Variants in TYW1B observed in about 807,000 individuals in gnomAD.
TYW1B encodes tRNA-yW synthesizing protein 1 homolog B, also known as S-adenosyl-L-methionine-dependent tRNA 4-demethylwyosine synthase TYW1B.
Under a neutral mutation model 86.9 loss-of-function variants are expected in TYW1B, and 73 were observed. The observed-to-expected ratio is 0.84, with a 90% confidence interval of 0.70 to 1.02. The LOEUF (loss-of-function observed/expected upper bound fraction) is 1.02, where lower values mean the gene tolerates loss of function less well. Among genes scored for constraint, TYW1B ranks in the 50% least tolerant of loss-of-function variants. The pLI is 0.00. For synonymous variants in TYW1B, 248 were observed against 292.8 expected (o/e 0.85, Z 1.56); for missense variants, 637 against 827.4 (o/e 0.77, Z 2.82).
chr7:72,658,711 A>G (rs1813262174), intron 11 of TYW1B, among the ~76,000 whole-genome samples: 1 of 152,194 alleles, frequency 6.6e-6, no homozygotes, highest in Non-Finnish European at 1.5e-5. Context: ...ATATAAACAT[A>G]AGACTATTTT....
At chr7:72,777,773 G>A (rs1442820297) in intron 6 of TYW1B, among the ~76,000 whole-genome samples, 13 of 151,974 alleles carry the variant, frequency 8.6e-5, no homozygotes, top group Admixed American at 1.3e-4. Context: ...AAAATTAGCC[G>A]GGGATGGTGG....
chr7:72,610,507 T>C (rs1361444991), intron 13 of TYW1B, among the ~76,000 whole-genome samples: 1 of 151,986 alleles, frequency 6.6e-6, no homozygotes, highest in African/African-American at 2.4e-5. Context: ...TTTAATACTT[T>C]GCCAGGTCTA....
At chr7:72,720,651 C>G (rs1456125808) in intron 9 of TYW1B, among the ~76,000 whole-genome samples, 1 of 152,142 alleles carries the variant, frequency 6.6e-6, no homozygotes, top group Non-Finnish European at 1.5e-5. Context: ...GGCTGTTACA[C>G]TGGTCCTCCC....
intron 13 of TYW1B, among the ~76,000 whole-genome samples, chr7:72,589,830 C>T (rs1811355376): frequency 6.6e-6 from 1 of 152,210 alleles, no homozygotes; most frequent in Non-Finnish European, 1.5e-5. Flanking sequence ...GAGCTGAGAT[C>T]GTGCCATTGC....
At chr7:72,722,793 G>C (rs1786927781) in intron 9 of TYW1B, 2 of 432,356 alleles carry the variant, frequency 4.6e-6, no homozygotes, top group African/African-American at 4.2e-5. Context: ...ACCCAGGACA[G>C]ACGGCAGGCG....
chr7:72,710,932 A>G (rs1338819330), intron 10 of TYW1B, among the ~76,000 whole-genome samples: 2 of 152,212 alleles, frequency 1.3e-5, no homozygotes, highest in Non-Finnish European at 2.9e-5. Context: ...CATCTTTGAC[A>G]GAGCAGGAGC....
At chr7:72,580,085 T>C (rs1811117679) in intron 13 of TYW1B, among the ~76,000 whole-genome samples, 1 of 152,050 alleles carries the variant, frequency 6.6e-6, no homozygotes. Context: ...CCTCAACCTA[T>C]GAACTTGGGA....
chr7:72,650,398 T>G (rs1813031077), intron 11 of TYW1B, among the ~76,000 whole-genome samples: 1 of 152,124 alleles, frequency 6.6e-6, no homozygotes, highest in Admixed American at 6.6e-5. Context: ...ACTTTATGTC[T>G]GACACATAAG....
chr7:72,797,645 A>G (rs1788326666), intron 6 of TYW1B, among the ~76,000 whole-genome samples: 1 of 152,208 alleles, frequency 6.6e-6, no homozygotes, highest in African/African-American at 2.4e-5. Context: ...TGAGCCCAGG[A>G]GTTCAAGGTT....
At chr7:72,799,070 T>C (rs2129572436) in intron 6 of TYW1B, among the ~76,000 whole-genome samples, 1 of 151,748 alleles carries the variant, frequency 6.6e-6, no homozygotes, top group South Asian at 2.1e-4. Flanking sequence ...CTCGAACTCC[T>C]GACCTCAAGT....
intron 3 of TYW1B, 126 bp downstream of exon 3, chr7:72,815,254 C>T: frequency 2.2e-6 from 2 of 889,402 alleles, no homozygotes; most frequent in Non-Finnish European, 3.3e-6. Flanking sequence ...ATTCAACTAA[C>T]TGAAATCCCT....
At chr7:72,781,533 T>C (rs1193417648) in intron 6 of TYW1B, among the ~76,000 whole-genome samples, 2 of 152,170 alleles carry the variant, frequency 1.3e-5, no homozygotes, top group African/African-American at 2.4e-5. Context: ...CAGTAAAGCC[T>C]TTCTTTTTTC....
chr7:72,689,847 C>T (rs1814098627), intron 11 of TYW1B, among the ~76,000 whole-genome samples: 1 of 152,132 alleles, frequency 6.6e-6, no homozygotes, highest in Non-Finnish European at 1.5e-5. Context: ...ATAAGCAGCA[C>T]ATAATATTTT....
intron 4 of TYW1B, among the ~76,000 whole-genome samples, chr7:72,809,952 AT>A (rs1192010740): frequency 6.6e-6 from 1 of 150,896 alleles, no homozygotes; most frequent in African/African-American, 2.4e-5. Flanking sequence ...GTCAGCTGAG[AT>A]CACGCCACTG....
chr7:72,778,327 G>T (rs1297122115), intron 6 of TYW1B, among the ~76,000 whole-genome samples: 1 of 152,176 alleles, frequency 6.6e-6, no homozygotes, highest in African/African-American at 2.4e-5. Context: ...TATAGCTGCT[G>T]CTGGTATTAC....
At chr7:72,678,839 A>T (rs1305872233) in intron 11 of TYW1B, among the ~76,000 whole-genome samples, 1 of 151,926 alleles carries the variant, frequency 6.6e-6, no homozygotes, top group Non-Finnish European at 1.5e-5. Flanking sequence ...ACGTGCCCGG[A>T]CAATCCCAGC....
intron 2 of TYW1B, among the ~76,000 whole-genome samples, chr7:72,816,681 G>C (rs1166872202): frequency 6.6e-6 from 1 of 152,172 alleles, no homozygotes; most frequent in Non-Finnish European, 1.5e-5. Context: ...AGAACACTAA[G>C]GAAAGAAGAG....
intron 6 of TYW1B, among the ~76,000 whole-genome samples, chr7:72,799,840 G>T (rs1479693517): frequency 1.3e-5 from 2 of 152,104 alleles, no homozygotes; most frequent in Non-Finnish European, 2.9e-5. Context: ...GGGGCAAATA[G>T]TTCCTCCTGT....
intron 13 of TYW1B, among the ~76,000 whole-genome samples, chr7:72,616,296 T>C (rs2844082): frequency 6.8e-6 from 1 of 147,980 alleles, no homozygotes; most frequent in South Asian, 2.2e-4. Flanking sequence ...GATAGATACC[T>C]CAATATTGCT....
Sources: gnomAD v4.1 joint callset for allele counts (sites outside exome capture counted in the v4.1 genomes callset) on GRCh38, gnomAD v4.1.1 for gene constraint, MANE v1.5 for transcripts, NCBI Gene and HGNC (gene_info 2026-07-23, HGNC 2026-07-21) for gene names.